Variants in RGS17 observed in about 807,000 individuals in gnomAD.
RGS17 encodes the protein regulator of G-protein signaling 17.
Under a neutral mutation model 25.5 loss-of-function variants are expected in RGS17, and 12 were observed. That is an observed-to-expected ratio of 0.47 (90% CI 0.30 to 0.76). The LOEUF (loss-of-function observed/expected upper bound fraction) is 0.76, where lower values mean the gene tolerates loss of function less well. Among genes scored for constraint, RGS17 ranks in the 30% least tolerant of loss-of-function variants. The pLI, the probability that RGS17 is intolerant of heterozygous loss-of-function variation, is 0.07. For missense variants in RGS17, 196 were observed against 242.2 expected, an observed-to-expected ratio of 0.81 and a Z score of 1.27; for synonymous variants, 71 against 76.9, an observed-to-expected ratio of 0.92 and a Z score of 0.40.
In RGS17 at chr6:153,128,686, A is replaced by C. The variant is rs185717962; in HGVS notation, c.-26+2438T>G. Among the ~76,000 whole-genome samples, 394 of 152,288 alleles carry C rather than the reference A, an allele frequency of 2.6e-3. 1 individual carries two copies. The highest frequency in any genetic ancestry group is 9.1e-3 in the African/African-American group (377 of 41,562). ...AAAGACCGTGGCCCTCGTGGTAGGA[A>C]ATGTTAAGGAAGGTTTATTATTATT... On this transcript the variant is annotated intron_variant, in intron 1 of 4. Transcript: ENST00000206262.
intron 1 of RGS17, among the ~76,000 whole-genome samples, chr6:153,054,117 T>C (rs1343182708): frequency 1.3e-5 from 1 of 74,186 alleles, no homozygotes; most frequent in African/African-American, 6.1e-5. Context: ...TATATATGTG[T>C]ATATATATAT....
chr6:153,069,722 C>T (rs914585047), intron 1 of RGS17, among the ~76,000 whole-genome samples: 2 of 145,448 alleles, frequency 1.4e-5, no homozygotes, highest in African/African-American at 5.2e-5. Context: ...TCATGTACCC[C>T]ATACATATAT....
chr6:153,012,648 A>G (rs1779145667), intron 4 of RGS17, among the ~76,000 whole-genome samples: 1 of 152,094 alleles, frequency 6.6e-6, no homozygotes, highest in Non-Finnish European at 1.5e-5. Context: ...TGTTAGAACA[A>G]CCCTACAAGT....
chr6:153,113,108 C>G (rs117415540), intron 1 of RGS17, among the ~76,000 whole-genome samples: 9 of 152,076 alleles, frequency 5.9e-5, no homozygotes, highest in Non-Finnish European at 1.3e-4. Flanking sequence ...AATGCTCCAT[C>G]CAATTAGAAG....
chr6:153,070,673 TTGTGTGTGTGTGTG>T (rs55655703), intron 1 of RGS17, among the ~76,000 whole-genome samples: 1 of 144,982 alleles, frequency 6.9e-6, no homozygotes, highest in African/African-American at 2.6e-5. Context: ...ACATGGAAGA[TTGTGTGTGTGTGTG>T]TGTGTGTGTG....
intron 4 of RGS17, among the ~76,000 whole-genome samples, chr6:153,016,587 A>G (rs1256892115): frequency 6.6e-6 from 1 of 152,244 alleles, no homozygotes; most frequent in Non-Finnish European, 1.5e-5. Flanking sequence ...TTTAATTTTT[A>G]ATTTTTTTGC....
chr6:153,042,380 T>A (rs116791827), intron 2 of RGS17, among the ~76,000 whole-genome samples: 282 of 152,286 alleles, frequency 1.9e-3, no homozygotes, highest in African/African-American at 6.5e-3. Flanking sequence ...GATGGTTTTT[T>A]TCCCACGCTG....
intron 1 of RGS17, among the ~76,000 whole-genome samples, chr6:153,101,882 A>G (rs1777309281): frequency 6.6e-6 from 1 of 152,222 alleles, no homozygotes; most frequent in Non-Finnish European, 1.5e-5. Context: ...TGAGACCCCC[A>G]AGTCATGCTT....
intron 2 of RGS17, among the ~76,000 whole-genome samples, chr6:153,039,057 A>C (rs1342294592): frequency 6.6e-6 from 1 of 152,184 alleles, no homozygotes; most frequent in Non-Finnish European, 1.5e-5. Context: ...CAGTGGGCCA[A>C]ATCTCGTGGG....
rs1368478917 is a variant in RGS17, at chr6:153,005,082, T to C, written c.*6492A>G. ...CAAATCGGTTAAAGCTAGCGGGAAA[T>C]AGGTCTTTTACATTATTTCAATATT... On this transcript the variant is annotated 3_prime_UTR_variant, in exon 5 of 5. Transcript: ENST00000206262. The C allele has an allele frequency of 6.6e-6, 1 of 152,152 alleles. No homozygotes were observed. The highest frequency in any genetic ancestry group is 1.5e-5 in the Non-Finnish European group (1 of 68,010). The allele number at this position is 152,152 out of a possible 1,614,324, so 9.4% of individuals were successfully genotyped here.
intron 1 of RGS17, among the ~76,000 whole-genome samples, chr6:153,064,298 A>T (rs890695505): frequency 2.0e-5 from 3 of 152,144 alleles, no homozygotes; most frequent in Non-Finnish European, 4.4e-5. Context: ...CAAGACATAG[A>T]CAGTACAATA....
intron 1 of RGS17, among the ~76,000 whole-genome samples, chr6:153,075,356 T>C (rs547882911): frequency 2.6e-5 from 4 of 152,296 alleles, no homozygotes; most frequent in Non-Finnish European, 5.9e-5. Flanking sequence ...ATACGTCTCA[T>C]GGAGACCCTG....
chr6:153,075,810 T>C (rs1453524112), intron 1 of RGS17, among the ~76,000 whole-genome samples: 1 of 152,238 alleles, frequency 6.6e-6, no homozygotes, highest in East Asian at 1.9e-4. Flanking sequence ...TGTGTATGTG[T>C]ATAAAAAAGA....
At chr6:153,015,151 T>C (rs936801819) in intron 4 of RGS17, among the ~76,000 whole-genome samples, 8 of 152,338 alleles carry the variant, frequency 5.3e-5, no homozygotes, top group South Asian at 2.1e-4. Context: ...TTGCTTCTTA[T>C]AGATGAGCAA....
In RGS17 at chr6:153,078,005, T is replaced by C. The variant is rs142656094; in HGVS notation, c.-25-33962A>G. On this transcript the variant is annotated intron_variant, in intron 1 of 4. Transcript: ENST00000206262. ...TCTCCTGCCTCAGCCTCCCAAGTAG[T>C]TGGGATTCCAGGCGCCCACCACCAC... Among the ~76,000 whole-genome samples, 1,496 of 151,982 alleles carry C rather than the reference T, an allele frequency of 9.8e-3. 14 individuals are homozygous for C. Among genetic ancestry groups the C allele is most frequent in the African/African-American group, 0.016 (680 of 41,450 alleles).
At chr6:153,016,942 T>C (rs1224702381) in intron 4 of RGS17, among the ~76,000 whole-genome samples, 1 of 152,176 alleles carries the variant, frequency 6.6e-6, no homozygotes, top group Non-Finnish European at 1.5e-5. Context: ...AGCCATCTTA[T>C]CTGGGCTCCA....
chr6:153,068,515 A>G (rs1279155328), intron 1 of RGS17, among the ~76,000 whole-genome samples: 1 of 152,176 alleles, frequency 6.6e-6, no homozygotes, highest in African/African-American at 2.4e-5. Flanking sequence ...AGAAAACACT[A>G]GGGAACATCT....
chr6:153,028,175 A>AAAT (rs1779323760), intron 2 of RGS17, among the ~76,000 whole-genome samples: 1 of 152,190 alleles, frequency 6.6e-6, no homozygotes, highest in African/African-American at 2.4e-5. Context: ...TTTCATAGTG[A>AAAT]AATACATTGA....
chr6:153,054,931 G>A (rs1286090054), intron 1 of RGS17, among the ~76,000 whole-genome samples: 1 of 152,156 alleles, frequency 6.6e-6, no homozygotes, highest in African/African-American at 2.4e-5. Context: ...CTGAATACCA[G>A]CAGTTCAGCA....
Sources: allele counts gnomAD v4.1 joint callset (sites outside exome capture counted in the v4.1 genomes callset), GRCh38; gene constraint gnomAD v4.1.1; transcripts MANE v1.5; gene names NCBI Gene and HGNC (gene_info 2026-07-23, HGNC 2026-07-21).